The following RXFP2 variants were observed in gnomAD, a reference collection of about 807,000 sequenced individuals.
The protein encoded by RXFP2 is relaxin receptor 2.
RXFP2 carries 68 observed loss-of-function variants against 88.6 expected under a neutral mutation model. That is an observed-to-expected ratio of 0.77 (90% confidence interval 0.63 to 0.94). RXFP2 has a LOEUF of 0.94. RXFP2 is among the 40% of genes least tolerant of loss of function. The pLI is 0.00. For missense variants in RXFP2, 791 were observed against 893.9 expected, an observed-to-expected ratio of 0.88 and a Z score of 1.47; for synonymous variants, 329 against 306.8, an observed-to-expected ratio of 1.07 and a Z score of -0.76.
At chr13:31,744,737 A>G (rs921861473) in intron 1 of RXFP2, among the ~76,000 whole-genome samples, 8 of 149,754 alleles carry the variant, frequency 5.3e-5, no homozygotes, top group South Asian at 2.1e-4. Flanking sequence ...TTCAGTGACT[A>G]TATTTTTTAT....
chr13:31,754,460 G>A (rs529510672), intron 1 of RXFP2, among the ~76,000 whole-genome samples: 6 of 152,260 alleles, frequency 3.9e-5, no homozygotes, highest in East Asian at 3.9e-4. Context: ...AAACCCGGGA[G>A]GGGGAGGTTT....
chr13:31,742,665 C>T (rs901738912), intron 1 of RXFP2, among the ~76,000 whole-genome samples: 3 of 152,134 alleles, frequency 2.0e-5, no homozygotes, highest in Non-Finnish European at 4.4e-5. Flanking sequence ...GTTTTAAGGC[C>T]TCTCACTTGA....
At chr13:31,767,626 CT>C (rs1276116328) in intron 5 of RXFP2, among the ~76,000 whole-genome samples, 1 of 152,110 alleles carries the variant, frequency 6.6e-6, no homozygotes, top group Admixed American at 6.5e-5. Flanking sequence ...TTAAGAATTT[CT>C]AATTAAATCT....
intron 7 of RXFP2, among the ~76,000 whole-genome samples, chr13:31,776,015 A>C (rs1379477773): frequency 6.6e-6 from 1 of 152,110 alleles, no homozygotes; most frequent in Admixed American, 6.5e-5. Flanking sequence ...CCTTAGCCCC[A>C]TGCTTAGCCT....
In RXFP2 at chr13:31,765,992, T is replaced by C. The variant is rs751981870; in HGVS notation, c.462T>C (p.Asp154=). Residue 154 remains aspartate (D), a synonymous_variant, in exon 5 of 18, where the codon GAT becomes GAC. Transcript: ENST00000298386. ...AAAACAAAATCCACAGTCTTCCAGATAAAGTTTTCATCAAATACACAAAAC... is the reference window on the plus strand; with the variant it reads ...AAAACAAAATCCACAGTCTTCCAGACAAAGTTTTCATCAAATACACAAAAC... ...LKKNKIHSLP[D]KVFIKYTKLK... 2.6e-6 allele frequency: 4 copies of C among 1,550,760 alleles called. No individual in the cohort carries two copies. The South Asian group carries it at 4.5e-5, about 17-fold the overall frequency.
At chr13:31,768,825 C>G (rs1376331288) in intron 5 of RXFP2, among the ~76,000 whole-genome samples, 1 of 152,144 alleles carries the variant, frequency 6.6e-6, no homozygotes, top group Non-Finnish European at 1.5e-5. Flanking sequence ...CCCCCTGCAC[C>G]AGTCCTACTT....
chr13:31,774,681 C>T lies in RXFP2; in HGVS notation c.559C>T (p.Leu187=). 1 of 1,498,722 alleles carries T rather than the reference C, an allele frequency of 6.7e-7. No homozygotes were observed. Among genetic ancestry groups the T allele is most frequent in the Non-Finnish European group, 9.3e-7 (1 of 1,075,060 alleles). The allele number at this position is 1,498,722 out of a possible 1,614,324, so 92.8% of individuals were successfully genotyped here. ...SRKAFFGLCN[L]QILYLNHNCI... ...GAAAGCATTTTTTGGATTATGTAAT[C>T]TGCAAATATTGTGAGTAACCTCTTT... The change falls in exon 6 of 18, where the codon CTG becomes TTG. Residue 187 remains leucine (L), a synonymous_variant. Coordinates refer to ENST00000298386, the MANE Select transcript of RXFP2 (RefSeq NM_130806.5).
At chr13:31,764,321 T>C (rs1316612057) in intron 3 of RXFP2, among the ~76,000 whole-genome samples, 2 of 151,224 alleles carry the variant, frequency 1.3e-5, no homozygotes, top group Non-Finnish European at 2.9e-5. Flanking sequence ...TTGGCCTGGC[T>C]TCTCCTTAGA....
At chr13:31,793,471 T>C (rs868055924) in intron 16 of RXFP2, among the ~76,000 whole-genome samples, 3 of 150,860 alleles carry the variant, frequency 2.0e-5, no homozygotes, top group Non-Finnish European at 4.4e-5. Context: ...GTTAAGTAAA[T>C]AATAATAAAA....
intron 14 of RXFP2, among the ~76,000 whole-genome samples, chr13:31,789,800 A>G (rs537464711): frequency 6.6e-6 from 1 of 152,230 alleles, no homozygotes; most frequent in Non-Finnish European, 1.5e-5. Context: ...GGAGAATTCA[A>G]TGTAAGATTA....
chr13:31,802,091 T>C, intron 17 of RXFP2, 55 bp from the exon 18 acceptor site: 2 of 1,562,522 alleles, frequency 1.3e-6, no homozygotes, highest in Admixed American at 1.7e-5. Context: ...GTTATTTGTA[T>C]TTTATGTCTA....
At position 31,753,001 on chromosome 13, in the gene RXFP2, C is replaced by T. The variant is rs532361476; in HGVS notation, c.95-5257C>T. Among the ~76,000 whole-genome samples the T allele has an allele frequency of 9.2e-5, 14 of 152,288 alleles. No individual in the cohort carries two copies. In the South Asian group the frequency reaches 2.9e-3, roughly 32 times the overall value. ...AATTTCTATAGCCCCTCTGAGGCAC[C>T]ATTGCCATCCTTGGTGACCAGGTCG... On this transcript the variant is annotated intron_variant, in intron 1 of 17. Coordinates refer to ENST00000298386, the MANE Select transcript of RXFP2 (RefSeq NM_130806.5).
intron 1 of RXFP2, among the ~76,000 whole-genome samples, chr13:31,754,034 A>G (rs758217721): frequency 9.9e-5 from 15 of 152,250 alleles, no homozygotes; most frequent in Non-Finnish European, 1.9e-4. Context: ...CAAGAAATGC[A>G]GTCGGCAGGT....
At chr13:31,781,175 C>T (rs968608558) in intron 9 of RXFP2, among the ~76,000 whole-genome samples, 1 of 152,182 alleles carries the variant, frequency 6.6e-6, no homozygotes, top group Non-Finnish European at 1.5e-5. Context: ...AATGACGCCA[C>T]AGACATGGTA....
intron 1 of RXFP2, among the ~76,000 whole-genome samples, chr13:31,748,622 A>C (rs933468154): frequency 2.0e-5 from 3 of 152,094 alleles, no homozygotes; most frequent in African/African-American, 7.2e-5. Context: ...ACGTTTGTTA[A>C]TTACAGACCC....
At chr13:31,761,853 G>C (rs764045429) in intron 3 of RXFP2, 52 bp downstream of exon 3, 3 of 1,212,680 alleles carry the variant, frequency 2.5e-6, no homozygotes, top group African/African-American at 3.0e-5. Flanking sequence ...AACATGATTT[G>C]TGATGCACAG....
chr13:31,776,216 G>T (rs1440518483), intron 7 of RXFP2, among the ~76,000 whole-genome samples: 7 of 93,692 alleles, frequency 7.5e-5, no homozygotes, highest in East Asian at 3.0e-4. Flanking sequence ...TTTCTTGTTT[G>T]CTTGCTTGCC....
intron 13 of RXFP2, 83 bp from the exon 14 acceptor site, chr13:31,789,039 A>G (rs901629324): frequency 3.5e-6 from 3 of 857,894 alleles, no homozygotes; most frequent in Non-Finnish European, 4.0e-6. Flanking sequence ...ATCTTGAAGC[A>G]TTATATTTCG....
intron 2 of RXFP2, among the ~76,000 whole-genome samples, chr13:31,760,125 G>T (rs967824335): frequency 6.6e-6 from 1 of 152,038 alleles, no homozygotes; most frequent in Non-Finnish European, 1.5e-5. Flanking sequence ...TCTTGCTCTT[G>T]TTGCCCAGGA....
Sources: allele counts gnomAD v4.1 joint callset (sites outside exome capture counted in the v4.1 genomes callset), GRCh38; gene constraint gnomAD v4.1.1; transcripts MANE v1.5; gene names NCBI Gene and HGNC (gene_info 2026-07-23, HGNC 2026-07-21).